NXF1: variants seen among roughly 807,000 people sequenced by gnomAD.
NXF1 encodes mRNA export factor TAP.
NXF1 carries 43 observed loss-of-function variants against 92.4 expected under a neutral mutation model. The ratio of observed to expected loss-of-function variants is 0.47; its 90% CI spans 0.36 to 0.60. The LOEUF (loss-of-function observed/expected upper bound fraction) is 0.60. Ranked by LOEUF, NXF1 falls within the 20% of genes least tolerant of loss-of-function variation. The pLI, the probability that NXF1 is intolerant of heterozygous loss-of-function variation, is 0.00. For missense variants in NXF1, 576 were observed against 793.0 expected, an observed-to-expected ratio of 0.73 and a Z score of 3.29; for synonymous variants, 288 against 292.2, an observed-to-expected ratio of 0.99 and a Z score of 0.15.
intron 13 of NXF1, 40 bp from the exon 14 acceptor site, chr11:62,796,607 C>A: frequency 7.2e-7 from 1 of 1,395,192 alleles, no homozygotes; most frequent in South Asian, 1.2e-5. Context: ...GCTCTGTGGT[C>A]TACAGCCATA....
chr11:62,800,503 G>A lies in NXF1; in HGVS notation c.907-17C>T, dbSNP rs781722278. ...AGACTTCAACTGCAAAGGGTGGAAG[G>A]AACAAAGGGAGGAGACCCTGGTGAA... On this transcript the variant is annotated splice_polypyrimidine_tract_variant and intron_variant, in intron 9 of 20. Transcript: ENST00000294172. The A allele has an allele frequency of 7.5e-6, 12 of 1,591,818 alleles. No homozygotes were observed. The highest frequency in any genetic ancestry group is 2.2e-5 in the East Asian group (1 of 44,480).
chr11:62,805,106 CG>C, intron 1 of NXF1: 1 of 393,380 alleles, frequency 2.5e-6, no homozygotes, highest in East Asian at 4.0e-5. Flanking sequence ...ACCCTACCCC[CG>C]AGCCATCCGC....
At position 62,796,359 on chromosome 11, in the gene NXF1, A is replaced by C; in HGVS notation, c.1287-14T>G. 1.7e-5 allele frequency: 27 copies of C among 1,614,160 alleles called. No individual in the cohort carries two copies. Among genetic ancestry groups the C allele is most frequent in the Non-Finnish European group, 2.2e-5 (26 of 1,180,014 alleles). The stretch of plus-strand genomic sequence containing the variant: ...GCTAAGCTGCTTCTGGGGGAATAAA[A>C]GGAATGGACGTGGTGTTCAGAGCAG... On this transcript the variant is annotated splice_polypyrimidine_tract_variant and intron_variant, in intron 14 of 20. Transcript: ENST00000294172.
At chr11:62,799,430 T>C (rs2084455654) in intron 10 of NXF1, 2 of 985,544 alleles carry the variant, frequency 2.0e-6, no homozygotes, top group South Asian at 4.7e-5. Flanking sequence ...CCTCAGAAGG[T>C]GTGAGGGTTC....
chr11:62,803,314 T>C (rs1216790163), intron 3 of NXF1, 105 bp downstream of exon 3: 2 of 1,000,366 alleles, frequency 2.0e-6, no homozygotes, highest in Non-Finnish European at 2.9e-6. Context: ...AGACTCCATT[T>C]AAAAAAAATA....
rs760134223 is a variant in NXF1, at chr11:62,796,200, G to A, written c.1346-19C>T. On this transcript the variant is annotated intron_variant, in intron 15 of 20. Coordinates refer to ENST00000294172, the MANE Select transcript of NXF1 (RefSeq NM_006362.5). Reference sequence around the variant, plus strand: ...CGCAAGGCTGTGGGTAGAGGAGAAAGCTCAGTGGTGCTGCCACACACTCCT... The same window carrying A: ...CGCAAGGCTGTGGGTAGAGGAGAAAACTCAGTGGTGCTGCCACACACTCCT... 2 of 1,613,516 alleles carry A rather than the reference G, an allele frequency of 1.2e-6. No homozygotes were observed. Among genetic ancestry groups the A allele is most frequent in the South Asian group, 1.1e-5 (1 of 91,074 alleles).
chr11:62,800,827 C>T (rs557670541), intron 9 of NXF1, among the ~76,000 whole-genome samples: 15 of 152,022 alleles, frequency 9.9e-5, no homozygotes, highest in South Asian at 2.1e-4. Context: ...TAGAATGCAA[C>T]GGCACAATCA....
intron 10 of NXF1, chr11:62,800,168 T>A (rs964017258): frequency 1.4e-6 from 2 of 1,399,988 alleles, no homozygotes; most frequent in Non-Finnish European, 1.9e-6. Flanking sequence ...AGCAAACAGA[T>A]AGTCAAGTCA....
chr11:62,794,642 G>A, intron 18 of NXF1: 1 of 590,266 alleles, frequency 1.7e-6, no homozygotes. Context: ...CCCAACGCAT[G>A]GACTTTAGCT....
At position 62,803,412 on chromosome 11, in the gene NXF1, T is replaced by A; in HGVS notation, c.369+7A>T. On this transcript the variant is annotated splice_region_variant and intron_variant, in intron 3 of 20. Coordinates refer to ENST00000294172, the MANE Select transcript of NXF1 (RefSeq NM_006362.5). ...TACTGTACCATCTACTTTCTCAAAG[T>A]ACTCACTGTAATCTTGAACCAGTTC... is the stretch of plus-strand genomic sequence containing the variant. 1 of 1,613,194 alleles carries A rather than the reference T, an allele frequency of 6.2e-7. No individual in the cohort carries two copies. The highest frequency in any genetic ancestry group is 8.5e-7 in the Non-Finnish European group (1 of 1,179,610).
At chr11:62,800,975 G>T in intron 9 of NXF1, 119 bp downstream of exon 9, 1 of 753,478 alleles carries the variant, frequency 1.3e-6, no homozygotes, top group Non-Finnish European at 2.3e-6. Flanking sequence ...GTTAGGATTA[G>T]AGTTGCAAAC....
At chr11:62,795,507 G>C (rs2084410785) in intron 17 of NXF1, 1 of 264,496 alleles carries the variant, frequency 3.8e-6, no homozygotes, top group Non-Finnish European at 7.3e-6. Flanking sequence ...TCCACTGATA[G>C]CATCTGTATG....
intron 19 of NXF1, 30 bp downstream of exon 19, chr11:62,794,228 A>T: frequency 6.3e-7 from 1 of 1,593,466 alleles, no homozygotes; most frequent in Non-Finnish European, 8.6e-7. Context: ...ACTTCAGTGC[A>T]TCCCCATCCT....
chr11:62,798,426 C>T (rs1463569214), intron 11 of NXF1, 113 bp downstream of exon 11: 50 of 1,439,414 alleles, frequency 3.5e-5, no homozygotes, highest in Non-Finnish European at 3.7e-5. Context: ...GAGTGAAACT[C>T]CGTCTCAAAT....
chr11:62,801,489 T>G (rs2084478087), intron 7 of NXF1, 72 bp from the exon 8 acceptor site: 10 of 1,606,800 alleles, frequency 6.2e-6, no homozygotes, highest in South Asian at 1.1e-5. Flanking sequence ...CAGTAAAACA[T>G]CCTCAAACTT....
At chr11:62,801,045 CACCCTCT>C in intron 9 of NXF1, 42 bp downstream of exon 9, 1 of 1,390,194 alleles carries the variant, frequency 7.2e-7, no homozygotes, top group Non-Finnish European at 1.0e-6. Context: ...AAACTCTCTA[CACCCTCT>C]ACCCACCCCT....
chr11:62,794,221 T>G (rs1231671957), intron 19 of NXF1, 37 bp downstream of exon 19: 7 of 1,586,446 alleles, frequency 4.4e-6, no homozygotes, highest in Non-Finnish European at 3.4e-6. Context: ...TAGCCCTACT[T>G]CAGTGCATCC....
intron 19 of NXF1, among the ~76,000 whole-genome samples, chr11:62,793,082 C>CTT (rs5792271): frequency 1.0e-4 from 14 of 140,424 alleles, no homozygotes; most frequent in East Asian, 2.0e-4. Context: ...TTTCTGTTTG[C>CTT]TTTTTTTTTT....
intron 9 of NXF1, 119 bp from the exon 10 acceptor site, chr11:62,800,605 C>CAT: frequency 2.1e-6 from 1 of 482,024 alleles, no homozygotes; most frequent in Non-Finnish European, 3.6e-6. Flanking sequence ...AAAATTTTTT[C>CAT]TTTTTTTTTT....
Sources: gnomAD v4.1 joint callset for allele counts (sites outside exome capture counted in the v4.1 genomes callset) on GRCh38, gnomAD v4.1.1 for gene constraint, MANE v1.5 for transcripts, NCBI Gene and HGNC (gene_info 2026-07-23, HGNC 2026-07-21) for gene names.